SLC29A3: variants seen among roughly 807,000 people sequenced by gnomAD.
SLC29A3 encodes the protein equilibrative nucleoside transporter 3.
In SLC29A3, 18 loss-of-function variants were observed where a neutral mutation model predicts 25.4. That is an observed-to-expected ratio of 0.71 (90% CI 0.49 to 1.05). The LOEUF (loss-of-function observed/expected upper bound fraction) is 1.05. Among genes scored for constraint, SLC29A3 ranks in the 50% least tolerant of loss-of-function variants. The pLI, the probability that SLC29A3 is intolerant of heterozygous loss-of-function variation, is 0.00. For missense variants in SLC29A3, 586 were observed against 609.0 expected, an observed-to-expected ratio of 0.96 and a Z score of 0.40; for synonymous variants, 258 against 267.1, an observed-to-expected ratio of 0.97 and a Z score of 0.33.
intron 1 of SLC29A3, 131 bp from the exon 2 acceptor site, chr10:71,322,625 G>A (rs1845870916): frequency 1.1e-5 from 12 of 1,068,110 alleles, no homozygotes; most frequent in African/African-American, 6.2e-5. Context: ...CTCCAACCAG[G>A]CTTTGGTGAC....
chr10:71,328,765 C>A (rs1051293218), intron 2 of SLC29A3, among the ~76,000 whole-genome samples: 1 of 152,184 alleles, frequency 6.6e-6, no homozygotes, highest in Non-Finnish European at 1.5e-5. Flanking sequence ...TTTGATCTTT[C>A]AGGTGTGTTG....
intron 2 of SLC29A3, among the ~76,000 whole-genome samples, chr10:71,335,120 A>G (rs1168297601): frequency 4.6e-5 from 7 of 152,048 alleles, no homozygotes; most frequent in African/African-American, 1.7e-4. Flanking sequence ...ATGAATGAAT[A>G]AATTAACCAC....
At position 71,353,850 on chromosome 10, in the gene SLC29A3, T is replaced by G. The variant is rs866984827; in HGVS notation, c.610+2062T>G. Among the ~76,000 whole-genome samples the G allele has an allele frequency of 3.3e-5, 5 of 152,194 alleles. No homozygotes were observed. The South Asian group carries it at 1.0e-3, about 32-fold the overall frequency. On this transcript the variant is annotated intron_variant, in intron 4 of 5. Transcript: ENST00000373189. Reference sequence around the variant, plus strand: ...ATTTCCATAACTGATGAGATAAAAGTGGAGAGTCATGAAGGATGAGCTCCC... The same window carrying G: ...ATTTCCATAACTGATGAGATAAAAGGGGAGAGTCATGAAGGATGAGCTCCC...
At position 71,362,534 on chromosome 10, in the gene SLC29A3, G is replaced by A; in HGVS notation, c.1354G>A (p.Val452Met). The A allele has an allele frequency of 6.2e-7, 1 of 1,614,208 alleles. No homozygotes were observed. Among genetic ancestry groups the A allele is most frequent in the African/African-American group, 1.3e-5 (1 of 75,060 alleles). Residue 452 changes from valine to methionine, a missense_variant, in exon 6 of 6, where the codon GTG becomes ATG. Transcript: ENST00000373189. ...GGAGCTGGCTGAGGCCACGGGAGTG[G>A]TGATGTCCTTTTATGTGTGCTTGGG... is the stretch of plus-strand genomic sequence containing the variant. ...PRELAEATGV[V>M]MSFYVCLGLT...
At position 71,322,806 on chromosome 10, in the gene SLC29A3, A is replaced by G. The variant is rs2277257; in HGVS notation, c.52A>G (p.Arg18Gly). Residue 18 changes from arginine (R) to glycine (G), a missense_variant, in exon 2 of 6, where the codon AGA becomes GGA. Arg to Gly is a moderately radical substitution (Grantham distance 125). Transcript: ENST00000373189. Reference protein sequence around the residue: ...DFQHSSNSTYRTTSSSLRADQ... With the variant: ...DFQHSSNSTYGTTSSSLRADQ... ...TCAGCACAGTTCAAACTCCACCTAC[A>G]GAACCACAAGCAGCAGTCTCCGAGC... 0.42 allele frequency: 682,004 copies of G among 1,613,876 alleles called. 147,529 individuals carry two copies. Among genetic ancestry groups the G allele is most frequent in the African/African-American group, 0.65 (48,625 of 74,960 alleles).
chr10:71,347,137 G>T (rs148792580), intron 3 of SLC29A3, among the ~76,000 whole-genome samples: 3 of 152,174 alleles, frequency 2.0e-5, no homozygotes, highest in Non-Finnish European at 2.9e-5. Context: ...TTTAATGTGC[G>T]AGATTGAAAA....
chr10:71,354,549 C>T (rs778654568), intron 4 of SLC29A3, among the ~76,000 whole-genome samples: 5 of 152,190 alleles, frequency 3.3e-5, no homozygotes, highest in East Asian at 1.9e-4. Flanking sequence ...ATGGTGCGCA[C>T]GGTGGACGGG....
intron 4 of SLC29A3, among the ~76,000 whole-genome samples, chr10:71,355,276 GC>G (rs1846871103): frequency 6.6e-6 from 1 of 152,214 alleles, no homozygotes; most frequent in Non-Finnish European, 1.5e-5. Context: ...CTGACTCCTA[GC>G]CCCGTTGGCA....
intron 1 of SLC29A3, among the ~76,000 whole-genome samples, chr10:71,320,551 T>C (rs7090777): frequency 0.48 from 72,423 of 152,004 alleles, 18,139 homozygotes; most frequent in African/African-American, 0.64. Flanking sequence ...AGTGGGTGCA[T>C]GTGGAAAAAG....
intron 2 of SLC29A3, among the ~76,000 whole-genome samples, chr10:71,339,575 C>G (rs1161853772): frequency 6.6e-6 from 1 of 152,082 alleles, no homozygotes; most frequent in Non-Finnish European, 1.5e-5. Flanking sequence ...TGCCAGCCCT[C>G]CTGTGGATGG....
chr10:71,379,569 G>A (rs1847287434), intron 4 of SLC29A3, among the ~76,000 whole-genome samples: 1 of 152,180 alleles, frequency 6.6e-6, no homozygotes, highest in African/African-American at 2.4e-5. Flanking sequence ...AAGTGGCTCT[G>A]AAGCAACTAA....
chr10:71,322,775 C>G lies in SLC29A3; in HGVS notation c.21C>G (p.Asp7Glu), dbSNP rs746298917. 6.2e-7 allele frequency: 1 copy of G among 1,614,018 alleles called. No individual in the cohort carries two copies. The highest frequency in any genetic ancestry group is 8.5e-7 in the Non-Finnish European group (1 of 1,180,040). Reference sequence around the variant, plus strand: ...CAATAGTGGCCGTTGTCTCAGAGGACGACTTTCAGCACAGTTCAAACTCCA... The same window carrying G: ...CAATAGTGGCCGTTGTCTCAGAGGAGGACTTTCAGCACAGTTCAAACTCCA... The part of the protein sequence containing the change: MAVVSE[D>E]DFQHSSNSTY... Residue 7 changes from aspartate (D) to glutamate (E), a missense_variant, in exon 2 of 6, where the codon GAC (aspartate) becomes GAG (glutamate). Coordinates refer to ENST00000373189, the MANE Select transcript of SLC29A3 (RefSeq NM_018344.6).
At chr10:71,348,275 C>G (rs868733988) in intron 3 of SLC29A3, among the ~76,000 whole-genome samples, 2 of 152,242 alleles carry the variant, frequency 1.3e-5, no homozygotes, top group Admixed American at 6.5e-5. Context: ...CTCCTTCTTG[C>G]CCCAAGGAAC....
At chr10:71,350,974 A>G (rs1254181329) in intron 3 of SLC29A3, among the ~76,000 whole-genome samples, 1 of 152,248 alleles carries the variant, frequency 6.6e-6, no homozygotes, top group Non-Finnish European at 1.5e-5. Flanking sequence ...AGAGTGCTAG[A>G]AAAGTATGCA....
chr10:71,369,930 C>G (rs1847198691), intron 3 of SLC29A3, among the ~76,000 whole-genome samples: 2 of 152,194 alleles, frequency 1.3e-5, no homozygotes, highest in African/African-American at 4.8e-5. Context: ...TTCCAGTTTA[C>G]ATGGTTTGTG....
intron 2 of SLC29A3, among the ~76,000 whole-genome samples, chr10:71,327,856 C>A (rs576439461): frequency 4.7e-4 from 71 of 152,136 alleles, no homozygotes; most frequent in African/African-American, 1.7e-3. Flanking sequence ...TTGTCCCTTC[C>A]CTACCTGACC....
intron 3 of SLC29A3, among the ~76,000 whole-genome samples, chr10:71,369,969 G>A (rs1847198992): frequency 6.6e-6 from 1 of 152,170 alleles, no homozygotes; most frequent in African/African-American, 2.4e-5. Context: ...GCACATGCTG[G>A]GTAGACAGGG....
At position 71,356,078 on chromosome 10, in the gene SLC29A3, C is replaced by G. The variant is rs1272155496; in HGVS notation, c.611-3C>G. ...ATCTCTGCGTGTCCTCTGTTCTCTG[C>G]AGGAGGAGCCATGGGCGGGACGGTC... is the stretch of plus-strand genomic sequence containing the variant. On this transcript the variant is annotated splice_polypyrimidine_tract_variant and splice_region_variant and intron_variant, in intron 4 of 5. Transcript: ENST00000373189. 6.2e-7 allele frequency: 1 copy of G among 1,613,832 alleles called. No individual in the cohort carries two copies. The highest frequency in any genetic ancestry group is 1.1e-5 in the South Asian group (1 of 91,070).
chr10:71,347,334 G>A (rs187863156), intron 3 of SLC29A3, among the ~76,000 whole-genome samples: 8 of 152,250 alleles, frequency 5.3e-5, no homozygotes, highest in East Asian at 1.9e-4. Flanking sequence ...TCGGGGGACC[G>A]GCAACCTGGG....
Sources: gnomAD v4.1 joint callset for allele counts (sites outside exome capture counted in the v4.1 genomes callset) on GRCh38, gnomAD v4.1.1 for gene constraint, MANE v1.5 for transcripts, NCBI Gene and HGNC (gene_info 2026-07-23, HGNC 2026-07-21) for gene names.